CLEC1A: variants seen among roughly 807,000 people sequenced by gnomAD.
CLEC1A encodes C-type lectin domain family 1 member A, also known as C-type lectin-like receptor-1.
Under a neutral mutation model 28.7 loss-of-function variants are expected in CLEC1A, and 34 were observed. The observed-to-expected ratio is 1.18, with a 90% CI of 0.90 to 1.57. CLEC1A has a LOEUF of 1.57. Among genes scored for constraint, CLEC1A ranks in the 40% most tolerant of loss-of-function variants. The pLI, the probability that CLEC1A is intolerant of heterozygous loss-of-function variation, is 0.00. For missense variants in CLEC1A, 385 were observed against 339.5 expected (o/e 1.13, Z -1.05); for synonymous variants, 116 against 121.0 (o/e 0.96, Z 0.27).
intron 2 of CLEC1A, 73 bp downstream of exon 2, chr12:10,089,051 C>T: frequency 8.6e-7 from 1 of 1,167,204 alleles, no homozygotes; most frequent in Non-Finnish European, 1.3e-6. Flanking sequence ...AAAAACAAAT[C>T]CATAACAAGT....
Position 10,089,209 on chromosome 12 carries a change from G to C in CLEC1A, c.129C>G (p.Pro43=). The C allele has an allele frequency of 6.2e-6, 10 of 1,613,866 alleles. No homozygotes were observed. The highest frequency in any genetic ancestry group is 8.5e-6 in the Non-Finnish European group (10 of 1,179,812). The part of the protein sequence containing the change: ...PEPRRTEHRA[P]SSTWRPVALT... The stretch of plus-strand genomic sequence containing the variant: ...GGGCCACTGGTCGCCACGTTGAAGA[G>C]GGAGCCCTGTGCTCTGCAGGGAACA... The change falls in exon 2 of 6, where the codon CCC becomes CCG. Residue 43 remains proline (P), a synonymous_variant. Transcript: ENST00000315330.
rs536499091 is a variant in CLEC1A at position 10,082,902 on chromosome 12, CCAGCACACTAAA to C, written c.215-1501_215-1490del. Among the ~76,000 whole-genome samples, 754 of 152,332 alleles carry C rather than the reference CCAGCACACTAAA, an allele frequency of 4.9e-3. 8 individuals are homozygous for C. The highest frequency in any genetic ancestry group is 0.017 in the African/African-American group (715 of 41,564). On this transcript the variant is annotated intron_variant, in intron 2 of 5. Coordinates refer to ENST00000315330, the MANE Select transcript of CLEC1A (RefSeq NM_016511.4). ...CTAGCATAACCAGCATTCAAGGAAG[CCAGCACACTAAA>C]CAGCACACTAAACATATCTACAACC...
At chr12:10,079,549 C>CA (rs1263802611) in intron 3 of CLEC1A, among the ~76,000 whole-genome samples, 2 of 151,952 alleles carry the variant, frequency 1.3e-5, no homozygotes, top group South Asian at 2.1e-4. Context: ...TAGCCAGGTG[C>CA]AATGGCTCAT....
intron 1 of CLEC1A, among the ~76,000 whole-genome samples, chr12:10,094,111 C>A (rs554013463): frequency 2.6e-5 from 4 of 152,132 alleles, no homozygotes; most frequent in Non-Finnish European, 4.4e-5. Flanking sequence ...TTATATTTTT[C>A]ATCTTCAGTA....
chr12:10,097,167 T>A (rs552698826), intron 1 of CLEC1A, among the ~76,000 whole-genome samples: 4 of 152,334 alleles, frequency 2.6e-5, no homozygotes, highest in African/African-American at 9.6e-5. Context: ...TTGTTTGGCA[T>A]TTTTAAACAC....
At chr12:10,087,576 GC>G (rs1314426264) in intron 2 of CLEC1A, among the ~76,000 whole-genome samples, 4 of 141,500 alleles carry the variant, frequency 2.8e-5, no homozygotes, top group African/African-American at 1.1e-4. Flanking sequence ...GGAGTGCAGT[GC>G]AGTGGTGTGA....
chr12:10,075,727 T>A, intron 3 of CLEC1A, 72 bp from the exon 4 acceptor site: 1 of 1,319,542 alleles, frequency 7.6e-7, no homozygotes, highest in Non-Finnish European at 1.1e-6. Context: ...AATTATATAG[T>A]ATTTGATGTC....
At chr12:10,088,075 G>A (rs1377681141) in intron 2 of CLEC1A, among the ~76,000 whole-genome samples, 1 of 152,008 alleles carries the variant, frequency 6.6e-6, no homozygotes, top group Non-Finnish European at 1.5e-5. Flanking sequence ...TTGAAATAGT[G>A]TTATTATTTT....
intron 1 of CLEC1A, among the ~76,000 whole-genome samples, chr12:10,098,029 T>C (rs1947801894): frequency 6.7e-6 from 1 of 148,974 alleles, no homozygotes; most frequent in South Asian, 2.1e-4. Flanking sequence ...AACTAAAAGT[T>C]ATTTGATAAA....
intron 2 of CLEC1A, among the ~76,000 whole-genome samples, chr12:10,086,035 C>T (rs184661452): frequency 6.6e-6 from 1 of 151,818 alleles, no homozygotes; most frequent in African/African-American, 2.4e-5. Context: ...TACAAGGCAC[C>T]CTGAAAACTA....
At chr12:10,073,100 A>AAC (rs376572534) in intron 5 of CLEC1A, among the ~76,000 whole-genome samples, 193 bp downstream of exon 5, 82 of 151,036 alleles carry the variant, frequency 5.4e-4, no homozygotes, top group African/African-American at 9.5e-4. Context: ...CAAACGAACA[A>AAC]ACACACACAC....
chr12:10,088,366 T>C (rs1010018526), intron 2 of CLEC1A, among the ~76,000 whole-genome samples: 8 of 151,612 alleles, frequency 5.3e-5, no homozygotes, highest in South Asian at 2.1e-4. Flanking sequence ...GTATTAAAAT[T>C]CCTATAAAAC....
At chr12:10,095,972 T>TCATTCATGTTTTCATTTTA (rs1286831398) in intron 1 of CLEC1A, among the ~76,000 whole-genome samples, 2 of 152,194 alleles carry the variant, frequency 1.3e-5, no homozygotes, top group East Asian at 3.8e-4. Context: ...TCTCTTCTGT[T>TCATTCATGTTTTCATTTTA]CATTCATGTT....
chr12:10,076,579 T>G (rs1866255818), intron 3 of CLEC1A, among the ~76,000 whole-genome samples: 1 of 152,188 alleles, frequency 6.6e-6, no homozygotes, highest in African/African-American at 2.4e-5. Context: ...CAGGTCGGCT[T>G]GCTTCAGAAT....
chr12:10,082,106 C>A (rs1444714446), intron 2 of CLEC1A, among the ~76,000 whole-genome samples: 1 of 152,204 alleles, frequency 6.6e-6, no homozygotes, highest in Non-Finnish European at 1.5e-5. Flanking sequence ...ATGAAAGAAG[C>A]TTCCAAATGA....
Position 10,098,830 on chromosome 12 carries a change from C to T in CLEC1A, c.93G>A (p.Arg31=). 6.2e-7 allele frequency: 1 copy of T among 1,613,162 alleles called. No individual in the cohort carries two copies. Among genetic ancestry groups the T allele is most frequent in the South Asian group, 1.1e-5 (1 of 90,832 alleles). The change falls in exon 1 of 6, where the codon CGG becomes CGA. Residue 31 remains arginine, a synonymous_variant. Coordinates refer to ENST00000315330, the MANE Select transcript of CLEC1A (RefSeq NM_016511.4). ...TACCTGTGCGCCGGGGCTCTGGATG[C>T]CGAGTTGTGGCAGAGCCTTGAGAAT... The part of the protein sequence containing the change: ...SLHSQGSATT[R]HPEPRRTEHR...
At chr12:10,090,417 AT>A (rs1233980138) in intron 1 of CLEC1A, among the ~76,000 whole-genome samples, 2 of 151,514 alleles carry the variant, frequency 1.3e-5, no homozygotes, top group African/African-American at 4.8e-5. Flanking sequence ...CGCCTGGCTA[AT>A]TTTTTTTTCC....
Position 10,095,945 on chromosome 12 carries a change from G to T in CLEC1A, c.115+2863C>A, listed in dbSNP as rs572240587. 3.3e-5 allele frequency among the ~76,000 whole-genome samples: 5 copies of T among 152,142 alleles called. No homozygotes were observed. In the South Asian group the frequency reaches 1.0e-3, roughly 32 times the overall value. On this transcript the variant is annotated intron_variant, in intron 1 of 5. Coordinates refer to ENST00000315330, the MANE Select transcript of CLEC1A (RefSeq NM_016511.4). ...CTCCTCAGGTGTTGATATTCCCTCA[G>T]ATTATCTCCTTGACACTCTCTTCTG...
At position 10,081,176 on chromosome 12, in the gene CLEC1A, C is replaced by G. The variant is rs575476882; in HGVS notation, c.391+61G>C. 1.6e-5 allele frequency: 22 copies of G among 1,394,228 alleles called. 1 individual carries two copies. The highest frequency in any genetic ancestry group is 4.4e-5 in the South Asian group (3 of 67,674). The allele number at this position is 1,394,228 out of a possible 1,614,324, so 86.4% of individuals were successfully genotyped here. A position where few individuals can be genotyped will look rare whatever the true frequency, so the allele number is the denominator to read the frequency against. The stretch of plus-strand genomic sequence containing the variant: ...AATACTTGACTCTCACTTTCACCGG[C>G]GGGAAATCCATCTCTCTGTTTCCAG... On this transcript the variant is annotated intron_variant, in intron 3 of 5. Coordinates refer to ENST00000315330, the MANE Select transcript of CLEC1A (RefSeq NM_016511.4).
Sources: allele counts gnomAD v4.1 joint callset (sites outside exome capture counted in the v4.1 genomes callset), GRCh38; gene constraint gnomAD v4.1.1; transcripts MANE v1.5; gene names NCBI Gene and HGNC (gene_info 2026-07-23, HGNC 2026-07-21).